NCOA6: variants seen among roughly 807,000 people sequenced by gnomAD.
NCOA6 encodes the protein nuclear receptor coactivator 6.
Under a neutral mutation model 171.4 loss-of-function variants are expected in NCOA6, and 49 were observed. That is an observed-to-expected ratio of 0.29 (90% CI 0.23 to 0.36). The LOEUF (loss-of-function observed/expected upper bound fraction) is 0.36. Ranked by LOEUF, NCOA6 falls within the 10% of genes least tolerant of loss-of-function variation. NCOA6 has a pLI of 1.00. For synonymous variants in NCOA6, 910 were observed against 927.5 expected, an observed-to-expected ratio of 0.98 and a Z score of 0.34; for missense variants, 2,248 against 2,554.5, an observed-to-expected ratio of 0.88 and a Z score of 2.59.
intron 3 of NCOA6, among the ~76,000 whole-genome samples, chr20:34,777,056 G>A (rs1003954042): frequency 5.4e-5 from 8 of 148,418 alleles, no homozygotes; most frequent in African/African-American, 1.5e-4. Flanking sequence ...GGCAGAGGTT[G>A]TGGTGAGCCA....
At position 34,715,061 on chromosome 20, in the gene NCOA6, G is replaced by A. The variant is rs1456143342; in HGVS notation, c.*261C>T. 11 of 424,824 alleles carry A rather than the reference G, an allele frequency of 2.6e-5. No homozygotes were observed. In the East Asian group the frequency reaches 5.4e-4, roughly 21 times the overall value. The allele number at this position is 424,824 out of a possible 1,614,324, so 26.3% of individuals were successfully genotyped here. On this transcript the variant is annotated 3_prime_UTR_variant, in exon 15 of 15. Transcript: ENST00000359003. ...GGCTGCTTAGGAAATGTGAAAACTA[G>A]TAACATTTATAATGGCATTAGCTCC...
intron 2 of NCOA6, among the ~76,000 whole-genome samples, chr20:34,787,524 C>A (rs1341750997): frequency 2.7e-5 from 4 of 147,624 alleles, no homozygotes; most frequent in African/African-American, 1.0e-4. Context: ...AGTTCCCGCT[C>A]TTAAAAAAAA....
Position 34,793,783 on chromosome 20 carries a change from T to A in NCOA6, c.-163-1220A>T, listed in dbSNP as rs143707935. 9.7e-4 allele frequency among the ~76,000 whole-genome samples: 148 copies of A among 152,214 alleles called. 1 individual carries two copies. Among genetic ancestry groups the A allele is most frequent in the African/African-American group, 3.4e-3 (142 of 41,540 alleles). On this transcript the variant is annotated intron_variant, in intron 1 of 14. Coordinates refer to ENST00000359003, the MANE Select transcript of NCOA6 (RefSeq NM_014071.5). ...AGTGATAAAAGAACAAATCTCCCTA[T>A]ATAGAATGATATAGAAAAAAATATG...
chr20:34,732,457 A>C, intron 13 of NCOA6, 102 bp downstream of exon 13: 2 of 1,148,446 alleles, frequency 1.7e-6, no homozygotes, highest in South Asian at 1.4e-5. Flanking sequence ...AGAGTGAAGG[A>C]AAAGGACAAG....
chr20:34,810,183 T>C (rs2078605628), intron 1 of NCOA6, among the ~76,000 whole-genome samples: 1 of 152,224 alleles, frequency 6.6e-6, no homozygotes, highest in Admixed American at 6.5e-5. Context: ...TTACAATAGA[T>C]ACATTTGTCC....
intron 5 of NCOA6, among the ~76,000 whole-genome samples, chr20:34,762,752 C>T (rs2076854980): frequency 6.6e-6 from 1 of 152,130 alleles, no homozygotes; most frequent in Admixed American, 6.6e-5. Context: ...CTTATTTCTT[C>T]CATCTTAGGT....
chr20:34,753,452 G>A (rs1431323367), intron 8 of NCOA6, among the ~76,000 whole-genome samples: 1 of 151,832 alleles, frequency 6.6e-6, no homozygotes. Context: ...ATGAGGTCAG[G>A]AGTTCAAAGA....
chr20:34,774,822 A>G (rs1354554369), intron 4 of NCOA6, among the ~76,000 whole-genome samples: 1 of 152,228 alleles, frequency 6.6e-6, no homozygotes, highest in Non-Finnish European at 1.5e-5. Context: ...AACAATAAGG[A>G]CAATATTTAT....
chr20:34,812,263 AAAC>A (rs2078692606), intron 1 of NCOA6, among the ~76,000 whole-genome samples: 1 of 151,802 alleles, frequency 6.6e-6, no homozygotes, highest in Non-Finnish European at 1.5e-5. Flanking sequence ...AAAAAAAAAA[AAAC>A]AACAACAAAA....
At chr20:34,792,405 C>A (rs2077917296) in intron 2 of NCOA6, 45 bp downstream of exon 2, 1 of 392,280 alleles carries the variant, frequency 2.5e-6, no homozygotes, top group Middle Eastern at 6.5e-4. Context: ...AAAGAATAAG[C>A]ATTAAGTTGG....
At chr20:34,792,383 GAAAAAA>G in intron 2 of NCOA6, 61 bp downstream of exon 2, 4 of 318,352 alleles carry the variant, frequency 1.3e-5, no homozygotes, top group Non-Finnish European at 2.2e-5. Flanking sequence ...GACAGTATCA[GAAAAAA>G]AAAAAAAAGA....
chr20:34,758,166 G>A (rs1403146308), intron 6 of NCOA6, 62 bp from the exon 7 acceptor site: 3 of 1,533,308 alleles, frequency 2.0e-6, no homozygotes, highest in Non-Finnish European at 2.6e-6. Flanking sequence ...TTAGAGAAGT[G>A]GCCTTTGTAA....
At chr20:34,738,431 AAAG>A in intron 11 of NCOA6, among the ~76,000 whole-genome samples, 2 of 152,320 alleles carry the variant, frequency 1.3e-5, no homozygotes, top group East Asian at 1.9e-4. Context: ...AAGTCTCCTG[AAAG>A]AAGGAGAAAT....
At position 34,772,868 on chromosome 20, in the gene NCOA6, T is replaced by C. The variant is rs558609181; in HGVS notation, c.391+3425A>G. Among the ~76,000 whole-genome samples, 13 of 152,300 alleles carry C rather than the reference T, an allele frequency of 8.5e-5. No individual in the cohort carries two copies. In the East Asian group the frequency reaches 2.5e-3, roughly 29 times the overall value. ...AGCTGAGTGAAAAGCTTTTTCTTGT[T>C]GATAATTATAATTCTATTTCTACTA... is the stretch of plus-strand genomic sequence containing the variant. On this transcript the variant is annotated intron_variant, in intron 4 of 14. Coordinates refer to ENST00000359003, the MANE Select transcript of NCOA6 (RefSeq NM_014071.5).
At chr20:34,722,160 C>T (rs2146954170) in intron 14 of NCOA6, among the ~76,000 whole-genome samples, 1 of 149,472 alleles carries the variant, frequency 6.7e-6, no homozygotes, top group Non-Finnish European at 1.5e-5. Context: ...GCAGGTGGAT[C>T]ATTTGAGGTT....
At chr20:34,775,685 A>G (rs1009210621) in intron 4 of NCOA6, among the ~76,000 whole-genome samples, 2 of 44,292 alleles carry the variant, frequency 4.5e-5, no homozygotes, top group Non-Finnish European at 9.4e-5. Flanking sequence ...AAAAAAAAAA[A>G]AAAAAAAGAA....
chr20:34,795,996 TG>T (rs1352250902), intron 1 of NCOA6, among the ~76,000 whole-genome samples: 1 of 149,566 alleles, frequency 6.7e-6, no homozygotes, highest in Non-Finnish European at 1.5e-5. Flanking sequence ...CTTTTCTATA[TG>T]TTTGAATTTT....
intron 2 of NCOA6, among the ~76,000 whole-genome samples, chr20:34,791,332 C>A (rs1473962188): frequency 6.6e-6 from 1 of 152,160 alleles, no homozygotes; most frequent in Middle Eastern, 3.2e-3. Flanking sequence ...TTTAAAATGT[C>A]AATTGTGCAC....
At chr20:34,776,690 TG>T in intron 3 of NCOA6, 1 of 617,296 alleles carries the variant, frequency 1.6e-6, no homozygotes, top group Non-Finnish European at 2.9e-6. Context: ...TCTAAAACTA[TG>T]AAAAAACTAC....
Sources: allele counts gnomAD v4.1 joint callset (sites outside exome capture counted in the v4.1 genomes callset), GRCh38; gene constraint gnomAD v4.1.1; transcripts MANE v1.5; gene names NCBI Gene and HGNC (gene_info 2026-07-23, HGNC 2026-07-21).